The following STXBP6 variants were observed in gnomAD, a reference collection of about 807,000 sequenced individuals.
The protein encoded by STXBP6 is syntaxin-binding protein 6.
A neutral mutation model predicts 26.9 loss-of-function variants in STXBP6; 21 were observed. The ratio of observed to expected loss-of-function variants is 0.78; its 90% CI spans 0.55 to 1.12. The LOEUF (loss-of-function observed/expected upper bound fraction) is 1.12, where lower values mean the gene tolerates loss of function less well. Among genes scored for constraint, STXBP6 ranks in the 50% most tolerant of loss-of-function variants. The probability of loss-of-function intolerance (pLI) is 0.00; values close to 1 mark genes in which losing one functional copy is unlikely to be tolerated. For missense variants in STXBP6, 232 were observed against 257.9 expected (o/e 0.90, Z 0.69); for synonymous variants, 97 against 92.6 (o/e 1.05, Z -0.27).
chr14:24,936,459 A>G (rs1355138974), intron 2 of STXBP6, among the ~76,000 whole-genome samples: 1 of 152,220 alleles, frequency 6.6e-6, no homozygotes, highest in African/African-American at 2.4e-5. Flanking sequence ...ATGTGAAGAA[A>G]GAAATCTCTT....
At chr14:24,818,650 G>A (rs538646897) in intron 5 of STXBP6, among the ~76,000 whole-genome samples, 1 of 152,202 alleles carries the variant, frequency 6.6e-6, no homozygotes, top group Non-Finnish European at 1.5e-5. Context: ...AAGCAAGCAC[G>A]AGCAGCCTCA....
intron 1 of STXBP6, among the ~76,000 whole-genome samples, chr14:24,994,199 T>C (rs1309587909): frequency 6.6e-6 from 1 of 152,152 alleles, no homozygotes; most frequent in Admixed American, 6.5e-5. Flanking sequence ...AAAAATGGGA[T>C]TGTGGGATTG....
intron 4 of STXBP6, among the ~76,000 whole-genome samples, chr14:24,827,115 G>A (rs972343364): frequency 3.9e-5 from 6 of 152,116 alleles, no homozygotes; most frequent in South Asian, 4.1e-4. Context: ...GTGGGAAGAT[G>A]GCTTGAGCCT....
intron 1 of STXBP6, among the ~76,000 whole-genome samples, chr14:25,016,311 A>T (rs1485716373): frequency 6.6e-6 from 1 of 152,126 alleles, no homozygotes; most frequent in Non-Finnish European, 1.5e-5. Context: ...CCAGGGTAGA[A>T]ATTAATTTTT....
At chr14:24,813,401 T>C (rs1022445835) in intron 5 of STXBP6, among the ~76,000 whole-genome samples, 2 of 152,172 alleles carry the variant, frequency 1.3e-5, no homozygotes, top group African/African-American at 4.8e-5. Context: ...CAGCCCATGA[T>C]AATGTATTTA....
chr14:24,883,440 A>G (rs1210426985), intron 2 of STXBP6, among the ~76,000 whole-genome samples: 1 of 152,202 alleles, frequency 6.6e-6, no homozygotes, highest in African/African-American at 2.4e-5. Context: ...CCCAACAAGT[A>G]TACCACTATT....
At chr14:24,958,046 A>G (rs2073399675) in intron 2 of STXBP6, among the ~76,000 whole-genome samples, 1 of 152,216 alleles carries the variant, frequency 6.6e-6, no homozygotes, top group Admixed American at 6.5e-5. Context: ...ATACACAAAG[A>G]ACTCTATCTT....
chr14:24,874,446 G>A (rs1045838971), intron 2 of STXBP6, among the ~76,000 whole-genome samples: 1 of 152,020 alleles, frequency 6.6e-6, no homozygotes, highest in African/African-American at 2.4e-5. Flanking sequence ...TCCACCGACG[G>A]GTACAGACTT....
intron 2 of STXBP6, among the ~76,000 whole-genome samples, chr14:24,965,503 T>C (rs1440173886): frequency 1.3e-5 from 2 of 152,038 alleles, no homozygotes; most frequent in African/African-American, 2.4e-5. Flanking sequence ...CAAGAACCAT[T>C]AGTGGGATAG....
At chr14:25,045,558 G>GA (rs5807272) in intron 1 of STXBP6, among the ~76,000 whole-genome samples, 44,923 of 145,218 alleles carry the variant, frequency 0.31, 6,885 homozygotes, top group Non-Finnish European at 0.32. Flanking sequence ...GGTTACAGAA[G>GA]AAAAAAAAAC....
chr14:25,036,773 G>A (rs943405976), intron 1 of STXBP6, among the ~76,000 whole-genome samples: 16 of 149,858 alleles, frequency 1.1e-4, no homozygotes, highest in Non-Finnish European at 1.6e-4. Context: ...GGAGAATGGC[G>A]TGAACCCAGG....
chr14:24,932,492 C>A (rs2072452762), intron 2 of STXBP6, among the ~76,000 whole-genome samples: 1 of 151,768 alleles, frequency 6.6e-6, no homozygotes, highest in South Asian at 2.1e-4. Context: ...TGCACTGCAG[C>A]CTGGATGATA....
chr14:24,846,749 G>C (rs1017219608), intron 4 of STXBP6, among the ~76,000 whole-genome samples: 1 of 152,188 alleles, frequency 6.6e-6, no homozygotes, highest in African/African-American at 2.4e-5. Context: ...AGTAAGGAAT[G>C]TTTGCTCCTA....
At chr14:24,937,710 C>T (rs1422087576) in intron 2 of STXBP6, among the ~76,000 whole-genome samples, 2 of 152,106 alleles carry the variant, frequency 1.3e-5, no homozygotes, top group Non-Finnish European at 2.9e-5. Flanking sequence ...GTATATACAG[C>T]AACATGAATA....
chr14:25,033,713 T>C (rs911612474), intron 1 of STXBP6, among the ~76,000 whole-genome samples: 7 of 152,138 alleles, frequency 4.6e-5, no homozygotes, highest in Admixed American at 2.0e-4. Flanking sequence ...CCAAACTCCC[T>C]CAAACATGTA....
chr14:24,997,437 A>G (rs1288334418), intron 1 of STXBP6, among the ~76,000 whole-genome samples: 1 of 152,168 alleles, frequency 6.6e-6, no homozygotes, highest in Non-Finnish European at 1.5e-5. Context: ...ATTCCTACTC[A>G]ATCAAACGAA....
In STXBP6 at chr14:24,883,632, G is replaced by A. The variant is rs949975942; in HGVS notation, c.155-26475C>T. On this transcript the variant is annotated intron_variant, in intron 2 of 5. Coordinates refer to ENST00000323944, the MANE Select transcript of STXBP6 (RefSeq NM_001394410.1). ...ACCCATGTTGAATACTTTCAAAGGC[G>A]GCTATTAGATGTGAAAAACTTCCCA... Among the ~76,000 whole-genome samples, 7 of 151,308 alleles carry A rather than the reference G, an allele frequency of 4.6e-5. No individual in the cohort carries two copies. In the East Asian group the frequency reaches 5.9e-4, roughly 13 times the overall value.
intron 2 of STXBP6, among the ~76,000 whole-genome samples, chr14:24,929,933 TC>T (rs1040552658): frequency 1.3e-5 from 2 of 152,142 alleles, no homozygotes; most frequent in Non-Finnish European, 2.9e-5. Context: ...ATATGTAGCC[TC>T]CCCATCACAA....
chr14:24,976,852 C>CTTTT (rs71121808), intron 1 of STXBP6, among the ~76,000 whole-genome samples: 2,050 of 45,266 alleles, frequency 0.045, 366 homozygotes, highest in African/African-American at 0.048. Context: ...ACTGGGCGCT[C>CTTTT]TTTTTTTTTT....
Sources: allele counts gnomAD v4.1 joint callset (sites outside exome capture counted in the v4.1 genomes callset), GRCh38; gene constraint gnomAD v4.1.1; transcripts MANE v1.5; gene names NCBI Gene and HGNC (gene_info 2026-07-23, HGNC 2026-07-21).